Variants in CD300LB observed in about 807,000 individuals in gnomAD.
The protein encoded by CD300LB is CD300 molecule like family member b.
A neutral mutation model predicts 20.8 loss-of-function variants in CD300LB; 18 were observed. The observed-to-expected ratio is 0.87, with a 90% confidence interval of 0.60 to 1.28. CD300LB has a LOEUF of 1.28. Among genes scored for constraint, CD300LB ranks in the 50% most tolerant of loss-of-function variants. The pLI, the probability that CD300LB is intolerant of heterozygous loss-of-function variation, is 0.00. For missense variants in CD300LB, 222 were observed against 251.8 expected, an observed-to-expected ratio of 0.88 and a Z score of 0.80; for synonymous variants, 91 against 91.3, an observed-to-expected ratio of 1.00 and a Z score of 0.02.
Position 74,525,849 on chromosome 17 carries a change from G to A in CD300LB, c.269C>T (p.Thr90Ile), listed in dbSNP as rs747181264. 56 of 1,613,990 alleles carry A rather than the reference G, an allele frequency of 3.5e-5. No homozygotes were observed. The highest frequency in any genetic ancestry group is 4.6e-5 in the Non-Finnish European group (54 of 1,180,028). ...GTCATCTCGCCTGAGCCCCTCCATGGTCACAGTGAACGTGCGGTCTTTCTG... is the reference window on the plus strand; with the variant it reads ...GTCATCTCGCCTGAGCCCCTCCATGATCACAGTGAACGTGCGGTCTTTCTG... ...DNQKDRTFTV[T>I]MEGLRRDDAD... The change falls in exon 2 of 4, where the codon ACC becomes ATC. Residue 90 changes from threonine to isoleucine, a missense_variant. By Grantham distance (89) the Thr-to-Ile change is moderately conservative. Transcript: ENST00000392621.
At position 74,526,642 on chromosome 17, in the gene CD300LB, G is replaced by C. The variant is rs375334071; in HGVS notation, c.41-565C>G. The stretch of plus-strand genomic sequence containing the variant: ...GCATGAAAATTGCTTGAACCCGGGA[G>C]GCGGAGGTTGCAGTGAGCTGAGATC... On this transcript the variant is annotated intron_variant, in intron 1 of 3. Transcript: ENST00000392621. Among the ~76,000 whole-genome samples the C allele has an allele frequency of 1.2e-4, 18 of 152,336 alleles. No homozygotes were observed. The East Asian group carries it at 1.3e-3, about 11-fold the overall frequency.
intron 1 of CD300LB, 103 bp downstream of exon 1, chr17:74,531,208 C>T: frequency 7.3e-7 from 1 of 1,366,020 alleles, no homozygotes. Context: ...CGAATGACTT[C>T]ACAAAGCCAC....
chr17:74,530,550 A>AACACACACACACACACACACAC (rs67278106), intron 1 of CD300LB, among the ~76,000 whole-genome samples: 2 of 143,046 alleles, frequency 1.4e-5, no homozygotes, highest in African/African-American at 5.2e-5. Flanking sequence ...CAGGTCCCCC[A>AACACACACACACACACACACAC]ACACACACAC....
Position 74,523,393 on chromosome 17 carries a change from G to A in CD300LB, c.443+186C>T, listed in dbSNP as rs1425547059. 7 of 600,446 alleles carry A rather than the reference G, an allele frequency of 1.2e-5. No homozygotes were observed. In the Admixed American group the frequency reaches 1.7e-4, roughly 14 times the overall value. 37.2% of individuals were successfully genotyped at this position (600,446 alleles called of 1,614,324 possible). ...GAGTTCTGCAGAGCGGTTTTCTGGT[G>A]AGAGCTAGAGTGGGGAGATGGTGGA... On this transcript the variant is annotated intron_variant, in intron 3 of 3. Transcript: ENST00000392621.
intron 1 of CD300LB, among the ~76,000 whole-genome samples, chr17:74,530,868 C>T (rs1177584749): frequency 1.3e-5 from 2 of 151,854 alleles, no homozygotes; most frequent in African/African-American, 4.8e-5. Flanking sequence ...TGCTGTGGTG[C>T]GATCATAACT....
intron 2 of CD300LB, among the ~76,000 whole-genome samples, chr17:74,525,450 G>A (rs1446762612): frequency 6.6e-6 from 1 of 152,042 alleles, no homozygotes; most frequent in Non-Finnish European, 1.5e-5. Flanking sequence ...GAGCAGGGCT[G>A]GGCCACCAGT....
In CD300LB at chr17:74,531,407, TC is replaced by T; in HGVS notation, c.-58del. The stretch of plus-strand genomic sequence containing the variant: ...ATCTGCAACCAGTGGCAAATGCAGA[TC>T]CCAGATGCACTCTGGAAGTTCTGCC... On this transcript the variant is annotated 5_prime_UTR_variant, in exon 1 of 4. Transcript: ENST00000392621. The T allele has an allele frequency of 1.9e-6, 3 of 1,612,404 alleles. No homozygotes were observed. The highest frequency in any genetic ancestry group is 2.7e-5 in the African/African-American group (2 of 74,932).
At chr17:74,528,711 G>A (rs1908108539) in intron 1 of CD300LB, among the ~76,000 whole-genome samples, 1 of 151,992 alleles carries the variant, frequency 6.6e-6, no homozygotes, top group Non-Finnish European at 1.5e-5. Flanking sequence ...TGTGAGCTTT[G>A]ATGCAGAAAG....
At chr17:74,525,617 GTCTGTC>G (rs775028579) in intron 2 of CD300LB, 125 bp downstream of exon 2, 9 of 788,424 alleles carry the variant, frequency 1.1e-5, no homozygotes, top group African/African-American at 3.5e-5. Context: ...CTGTCTGTCT[GTCTGTC>G]TCTCTCTCTC....
At position 74,530,071 on chromosome 17, in the gene CD300LB, G is replaced by T. The variant is rs150727662; in HGVS notation, c.40+1240C>A. Among the ~76,000 whole-genome samples, 836 of 152,352 alleles carry T rather than the reference G, an allele frequency of 5.5e-3. 6 individuals are homozygous for T. The highest frequency in any genetic ancestry group is 0.019 in the African/African-American group (796 of 41,582). The stretch of plus-strand genomic sequence containing the variant: ...GAACGATAGAGATGGAAATGACAGG[G>T]CAGCCGTCAGCTTGGAGCAGAGCCC... On this transcript the variant is annotated intron_variant, in intron 1 of 3. Transcript: ENST00000392621.
chr17:74,524,846 C>A (rs533202893), intron 2 of CD300LB, among the ~76,000 whole-genome samples: 15 of 152,294 alleles, frequency 9.8e-5, no homozygotes, highest in Admixed American at 4.6e-4. Context: ...CCCCTCTCTG[C>A]CCCCATAGAT....
chr17:74,522,923 C>A, intron 3 of CD300LB, 23 bp from the exon 4 acceptor site: 1 of 1,609,400 alleles, frequency 6.2e-7, no homozygotes, highest in South Asian at 1.1e-5. Context: ...ATGCAGTGGT[C>A]AGAGCCCTGG....
At position 74,522,483 on chromosome 17, in the gene CD300LB, A is replaced by G; in HGVS notation, c.*255T>C. On this transcript the variant is annotated 3_prime_UTR_variant, in exon 4 of 4. Transcript: ENST00000392621. ...TGGGGACAGAGTCGTCCAGTGCTTG[A>G]GCTCCATCTCTACAGCTCCTGACCA... is the stretch of plus-strand genomic sequence containing the variant. 1 of 1,238,410 alleles carries G rather than the reference A, an allele frequency of 8.1e-7. No homozygotes were observed. The allele number at this position is 1,238,410 out of a possible 1,614,324, so 76.7% of individuals were successfully genotyped here.
rs192635924 is a variant in CD300LB at position 74,530,267 on chromosome 17, C to T, written c.40+1044G>A. On this transcript the variant is annotated intron_variant, in intron 1 of 3. Coordinates refer to ENST00000392621, the MANE Select transcript of CD300LB (RefSeq NM_174892.4). ...TGGCCCACACACATTGCACACCCTG[C>T]GTAAAATTCTAGATTGTCCCCTAAT... Among the ~76,000 whole-genome samples, 35 of 152,300 alleles carry T rather than the reference C, an allele frequency of 2.3e-4. No individual in the cohort carries two copies. The South Asian group carries it at 4.1e-3, about 18-fold the overall frequency.
In CD300LB at chr17:74,525,654, A is replaced by T. The variant is rs540381578; in HGVS notation, c.370+94T>A. 6.9e-5 allele frequency: 72 copies of T among 1,041,984 alleles called. 3 individuals carry two copies. The South Asian group carries it at 1.1e-3, about 15-fold the overall frequency. The allele number at this position is 1,041,984 out of a possible 1,614,324, so 64.5% of individuals were successfully genotyped here. On this transcript the variant is annotated intron_variant, in intron 2 of 3. Coordinates refer to ENST00000392621, the MANE Select transcript of CD300LB (RefSeq NM_174892.4). ...CTCTCTCTCTCTTAGGCTCACCATCATTCCCTTTCAGCCTTGGAGGGGAGC... is the reference window on the plus strand; with the variant it reads ...CTCTCTCTCTCTTAGGCTCACCATCTTTCCCTTTCAGCCTTGGAGGGGAGC...
In CD300LB at chr17:74,525,917, C is replaced by T. The variant is rs141231081; in HGVS notation, c.201G>A (p.Ser67=). Residue 67 remains serine, a synonymous_variant, in exon 2 of 4, where the codon TCG becomes TCA. Coordinates refer to ENST00000392621, the MANE Select transcript of CD300LB (RefSeq NM_174892.4). ...TCKILIETRG[S]EQGEKSDRVS... ...CACGGTCACTCTTCTCTCCTTGCTC[C>T]GACCCTCTGGTTTCAATGAGGATCT... 1,016 of 1,613,972 alleles carry T rather than the reference C, an allele frequency of 6.3e-4. 1 individual carries two copies. The highest frequency in any genetic ancestry group is 8.1e-4 in the Non-Finnish European group (955 of 1,180,028).
chr17:74,521,688 CA>C lies in CD300LB; in HGVS notation c.*1049del, dbSNP rs1202868317. ...GGCGTCCTCATGGGTGTTCAAAGGGCAACATGCCGAACATGTGTGGTGTGTT... is the reference window on the plus strand; with the variant it reads ...GGCGTCCTCATGGGTGTTCAAAGGGCACATGCCGAACATGTGTGGTGTGTT... On this transcript the variant is annotated 3_prime_UTR_variant, in exon 4 of 4. Transcript: ENST00000392621. 2.0e-6 allele frequency: 2 copies of C among 985,198 alleles called. No individual in the cohort carries two copies. The highest frequency in any genetic ancestry group is 2.3e-4 in the East Asian group (2 of 8,794). The allele number at this position is 985,198 out of a possible 1,614,324, so 61.0% of individuals were successfully genotyped here. A position where few individuals can be genotyped will look rare whatever the true frequency, so the allele number is the denominator to read the frequency against.
intron 1 of CD300LB, among the ~76,000 whole-genome samples, chr17:74,527,946 G>A (rs912852531): frequency 2.0e-5 from 3 of 151,984 alleles, no homozygotes; most frequent in African/African-American, 4.8e-5. Context: ...CCTGATCTCC[G>A]CCTCCCATCA....
chr17:74,523,503 G>A, intron 3 of CD300LB, 76 bp downstream of exon 3: 6 of 1,023,098 alleles, frequency 5.9e-6, no homozygotes, highest in South Asian at 1.3e-5. Context: ...TTTGGTGACA[G>A]GCAGGAGTTC....
Sources: gnomAD v4.1 joint callset for allele counts (sites outside exome capture counted in the v4.1 genomes callset) on GRCh38, gnomAD v4.1.1 for gene constraint, MANE v1.5 for transcripts, NCBI Gene and HGNC (gene_info 2026-07-23, HGNC 2026-07-21) for gene names.